SYNE2: variants seen among roughly 807,000 people sequenced by gnomAD.
SYNE2 encodes the protein nesprin-2.
A neutral mutation model predicts 856.3 loss-of-function variants in SYNE2; 431 were observed. The ratio of observed to expected loss-of-function variants is 0.50; its 90% CI spans 0.47 to 0.55. The LOEUF (loss-of-function observed/expected upper bound fraction) is 0.55. Ranked by LOEUF, SYNE2 falls within the 20% of genes least tolerant of loss-of-function variation. SYNE2 has a pLI of 0.00. For missense variants in SYNE2, 8,129 were observed against 8,023.2 expected (o/e 1.01, Z -0.50); for synonymous variants, 2,923 against 2,872.3 (o/e 1.02, Z -0.56).
At chr14:63,824,072 C>G (rs779990828) in intron 1 of SYNE2, among the ~76,000 whole-genome samples, 23 of 152,328 alleles carry the variant, frequency 1.5e-4, no homozygotes, top group Non-Finnish European at 2.4e-4. Flanking sequence ...AGTGCAGTGA[C>G]TCATACCTGT....
At chr14:64,037,012 C>G (rs1364062321) in intron 45 of SYNE2, among the ~76,000 whole-genome samples, 1 of 152,178 alleles carries the variant, frequency 6.6e-6, no homozygotes, top group Non-Finnish European at 1.5e-5. Context: ...CTGACCTACA[C>G]TGTAGTGTCA....
In SYNE2 at chr14:63,898,647, C is replaced by T. The variant is rs533523881; in HGVS notation, c.-51-10451C>T. On this transcript the variant is annotated intron_variant, in intron 1 of 115. Transcript: ENST00000555002. ...CTCGAACTCCTGGCCTCAAGCGATT[C>T]GCCCACCTTGGCCTCCCAGAGTGCT... is the stretch of plus-strand genomic sequence containing the variant. 1.7e-4 allele frequency among the ~76,000 whole-genome samples: 26 copies of T among 152,196 alleles called. No individual in the cohort carries two copies. The South Asian group carries it at 2.9e-3, about 17-fold the overall frequency.
intron 1 of SYNE2, among the ~76,000 whole-genome samples, chr14:63,800,650 T>C (rs927497847): frequency 6.6e-6 from 1 of 152,210 alleles, no homozygotes; most frequent in African/African-American, 2.4e-5. Flanking sequence ...AAAAAGATCA[T>C]GTATTTTGTG....
chr14:63,995,442 G>A (rs561575812), intron 23 of SYNE2, among the ~76,000 whole-genome samples: 3 of 152,058 alleles, frequency 2.0e-5, no homozygotes, highest in Non-Finnish European at 4.4e-5. Flanking sequence ...TGTCTCAGTG[G>A]CCCCTGTCCT....
intron 65 of SYNE2, among the ~76,000 whole-genome samples, chr14:64,110,229 G>A (rs1353732675): frequency 1.3e-5 from 2 of 152,200 alleles, no homozygotes; most frequent in African/African-American, 4.8e-5. Context: ...ATGAAATGTA[G>A]CAATAGCCAG....
chr14:64,200,331 C>T (rs976540983), intron 99 of SYNE2, among the ~76,000 whole-genome samples: 5 of 152,074 alleles, frequency 3.3e-5, no homozygotes, highest in Admixed American at 6.5e-5. Flanking sequence ...GCAGAGGTCA[C>T]GAGCCTGAGC....
chr14:63,836,642 A>G (rs750432617), intron 1 of SYNE2, among the ~76,000 whole-genome samples: 1 of 152,126 alleles, frequency 6.6e-6, no homozygotes, highest in Non-Finnish European at 1.5e-5. Context: ...TCTGTCATTT[A>G]CCGTTCCCAC....
In SYNE2 at chr14:63,925,219, A is replaced by C. The variant is rs570901208; in HGVS notation, c.80-15395A>C. Among the ~76,000 whole-genome samples the C allele has an allele frequency of 1.1e-3, 162 of 152,134 alleles. 1 individual carries two copies. Among genetic ancestry groups the C allele is most frequent in the Admixed American group, 3.5e-3 (53 of 15,270 alleles). On this transcript the variant is annotated intron_variant, in intron 2 of 115. Coordinates refer to ENST00000555002, the MANE Select transcript of SYNE2 (RefSeq NM_182914.3). ...TGCCTGTAGTCCCAGCTACTTGGGA[A>C]GCTGAGGTGGGAGGATTGCTTGAGC...
chr14:63,941,584 A>G (rs2095917259), intron 3 of SYNE2, 111 bp from the exon 4 acceptor site: 1 of 852,746 alleles, frequency 1.2e-6, no homozygotes, highest in Non-Finnish European at 1.9e-6. Context: ...TTAATTAAGA[A>G]GAAAGTCATT....
intron 78 of SYNE2, 38 bp downstream of exon 78, chr14:64,134,238 A>G (rs201542599): frequency 1.9e-6 from 3 of 1,610,576 alleles, no homozygotes; most frequent in African/African-American, 2.7e-5. Context: ...AGGCGTGTCC[A>G]TAGCACTTTG....
intron 8 of SYNE2, among the ~76,000 whole-genome samples, chr14:63,958,205 A>G (rs567715498): frequency 1.3e-5 from 2 of 152,218 alleles, no homozygotes; most frequent in African/African-American, 4.8e-5. Context: ...ACCAATATGG[A>G]TATGTTATTT....
In SYNE2 at chr14:64,056,029, C is replaced by T; in HGVS notation, c.9830C>T (p.Ala3277Val). ...RAVESITSLE[A>V]IIIPYRVDVG... The stretch of plus-strand genomic sequence containing the variant: ...GTGGAGAGCATCACTTCCCTCGAAG[C>T]CATCATTATACCCTACAGAGTAGAT... Residue 3277 changes from alanine (A) to valine (V), a missense_variant, in exon 49 of 116, where the codon GCC (alanine) becomes GTC (valine). Around this residue, in one of 3 missense-constraint regions of SYNE2, gnomAD observed 5,410 missense variants for 5,284.8 expected, o/e 1.02. Transcript: ENST00000555002. 6.2e-7 allele frequency: 1 copy of T among 1,614,040 alleles called. No homozygotes were observed. The highest frequency in any genetic ancestry group is 1.7e-5 in the Admixed American group (1 of 60,010).
At chr14:63,793,949 A>C (rs1263928369) in intron 1 of SYNE2, among the ~76,000 whole-genome samples, 4 of 152,032 alleles carry the variant, frequency 2.6e-5, no homozygotes, top group Non-Finnish European at 5.9e-5. Context: ...AAAAAAAAAA[A>C]AGAAAAAAGA....
chr14:63,895,253 C>T (rs1454897616), intron 1 of SYNE2, among the ~76,000 whole-genome samples: 12 of 151,530 alleles, frequency 7.9e-5, no homozygotes, highest in African/African-American at 2.4e-4. Context: ...TACAGGCGCC[C>T]GCCACCACCC....
Position 64,016,876 on chromosome 14 carries a change from T to C in SYNE2, c.4887+245T>C, listed in dbSNP as rs572083849. Among the ~76,000 whole-genome samples, 5 of 152,330 alleles carry C rather than the reference T, an allele frequency of 3.3e-5. No individual in the cohort carries two copies. In the South Asian group the frequency reaches 1.0e-3, roughly 32 times the overall value. On this transcript the variant is annotated intron_variant, in intron 33 of 115. Transcript: ENST00000555002. Reference sequence around the variant, plus strand: ...AGTTCTTTAATATATTGCCTGTTCATGCAGTATACTGATGTTTAACTACAT... The same window carrying C: ...AGTTCTTTAATATATTGCCTGTTCACGCAGTATACTGATGTTTAACTACAT...
chr14:63,864,060 G>A (rs1435273219), intron 1 of SYNE2, among the ~76,000 whole-genome samples: 5 of 152,130 alleles, frequency 3.3e-5, no homozygotes, highest in Admixed American at 6.6e-5. Flanking sequence ...TGATCCACCC[G>A]CCTCAGCCTC....
chr14:64,080,709 A>T, intron 56 of SYNE2, 71 bp downstream of exon 56: 1 of 1,561,812 alleles, frequency 6.4e-7, no homozygotes, highest in South Asian at 1.1e-5. Context: ...AAAACAATAT[A>T]TTCAGAAACA....
intron 1 of SYNE2, among the ~76,000 whole-genome samples, chr14:63,907,300 A>C (rs2095420184): frequency 6.6e-6 from 1 of 152,204 alleles, no homozygotes; most frequent in African/African-American, 2.4e-5. Context: ...GACATATGGC[A>C]AACTCTCACT....
rs571839030 is a variant in SYNE2, at chr14:64,060,157, G to T, written c.10068-2594G>T. ...TACTCTTCCCCACTGTGGCTTAGCT[G>T]GTACCTAAGCTCAAGACAGTCTCCT... On this transcript the variant is annotated intron_variant, in intron 49 of 115. Transcript: ENST00000555002. 2.0e-5 allele frequency among the ~76,000 whole-genome samples: 3 copies of T among 152,026 alleles called. No individual in the cohort carries two copies. In the East Asian group the frequency reaches 5.8e-4, roughly 30 times the overall value.
Sources: allele counts gnomAD v4.1 joint callset (sites outside exome capture counted in the v4.1 genomes callset), GRCh38; gene constraint gnomAD v4.1.1; regional missense constraint gnomAD v4.1.1; transcripts MANE v1.5; gene names NCBI Gene and HGNC (gene_info 2026-07-23, HGNC 2026-07-21).